Variants in TRIM9 observed in about 807,000 individuals in gnomAD.
The protein encoded by TRIM9 is E3 ubiquitin-protein ligase TRIM9.
Under a neutral mutation model 78.3 loss-of-function variants are expected in TRIM9, and 26 were observed. The ratio of observed to expected loss-of-function variants is 0.33; its 90% confidence interval spans 0.24 to 0.46. TRIM9 has a LOEUF of 0.46. Among genes scored for constraint, TRIM9 ranks in the 20% least tolerant of loss-of-function variants. The pLI, the probability that TRIM9 is intolerant of heterozygous loss-of-function variation, is 1.00. For missense variants in TRIM9, 787 were observed against 1,036.4 expected (o/e 0.76, Z 3.30); for synonymous variants, 398 against 416.5 (o/e 0.96, Z 0.54).
chr14:51,059,976 AT>A (rs1003603898), intron 1 of TRIM9, among the ~76,000 whole-genome samples: 5 of 152,158 alleles, frequency 3.3e-5, no homozygotes, highest in African/African-American at 1.2e-4. Context: ...TATGATACAA[AT>A]TGTTTCTTAA....
intron 1 of TRIM9, among the ~76,000 whole-genome samples, chr14:51,091,561 C>T (rs1258072701): frequency 2.0e-5 from 3 of 152,132 alleles, no homozygotes; most frequent in African/African-American, 7.2e-5. Context: ...TATGAGAAAA[C>T]TGGCTGCTAA....
intron 1 of TRIM9, among the ~76,000 whole-genome samples, chr14:51,089,596 A>G (rs1566655181): frequency 6.6e-6 from 1 of 152,270 alleles, no homozygotes; most frequent in Non-Finnish European, 1.5e-5. Context: ...GAGAATCTGA[A>G]AAAAACGGAG....
At chr14:51,081,743 T>C (rs1030878659) in intron 1 of TRIM9, among the ~76,000 whole-genome samples, 6 of 152,162 alleles carry the variant, frequency 3.9e-5, no homozygotes, top group African/African-American at 1.4e-4. Flanking sequence ...CTCACAGAAC[T>C]CAGGAGAACA....
chr14:51,052,683 A>G (rs2060529745), intron 1 of TRIM9, among the ~76,000 whole-genome samples: 1 of 152,198 alleles, frequency 6.6e-6, no homozygotes, highest in African/African-American at 2.4e-5. Context: ...AGCTGCTGGC[A>G]CCATGCATGC....
At chr14:51,007,744 T>C (rs2056005556) in intron 5 of TRIM9, among the ~76,000 whole-genome samples, 3 of 151,092 alleles carry the variant, frequency 2.0e-5, no homozygotes. Context: ...ATTTCCAATC[T>C]ATACACTATT....
intron 1 of TRIM9, among the ~76,000 whole-genome samples, chr14:51,082,223 G>A (rs2140312986): frequency 6.6e-6 from 1 of 152,250 alleles, no homozygotes; most frequent in Non-Finnish European, 1.5e-5. Context: ...AGGAACCACG[G>A]ACAAAGACCA....
At chr14:51,094,039 C>T in intron 1 of TRIM9, 79 bp downstream of exon 1, 1 of 1,447,348 alleles carries the variant, frequency 6.9e-7, no homozygotes, top group Non-Finnish European at 9.5e-7. Context: ...GCGCTGTGCG[C>T]AAGAGACGGG....
intron 6 of TRIM9, among the ~76,000 whole-genome samples, chr14:50,998,927 CTCTCTGGTA>C (rs1262310187): frequency 6.6e-6 from 1 of 152,182 alleles, no homozygotes; most frequent in Non-Finnish European, 1.5e-5. Context: ...AATATGACAA[CTCTCTGGTA>C]GGATACTAAG....
chr14:51,075,761 A>T (rs2062721527), intron 1 of TRIM9, among the ~76,000 whole-genome samples: 1 of 152,138 alleles, frequency 6.6e-6, no homozygotes, highest in South Asian at 2.1e-4. Flanking sequence ...CAAGGCGGGG[A>T]GTGGGTCTGA....
At chr14:51,093,592 A>T (rs2064621998) in intron 1 of TRIM9, among the ~76,000 whole-genome samples, 1 of 152,192 alleles carries the variant, frequency 6.6e-6, no homozygotes, top group Admixed American at 6.5e-5. Context: ...AGCCGGGCTC[A>T]TCAGTATTCC....
intron 5 of TRIM9, among the ~76,000 whole-genome samples, chr14:51,004,545 C>T (rs1210797909): frequency 2.0e-5 from 3 of 152,260 alleles, no homozygotes; most frequent in East Asian, 1.9e-4. Flanking sequence ...AGAAGCTGGG[C>T]TCCCAACCTC....
rs1399648624 is a variant in TRIM9, at chr14:50,979,420, G to C, written c.2292C>G (p.Phe764Leu). The C allele has an allele frequency of 6.2e-7, 1 of 1,614,118 alleles. No homozygotes were observed. The highest frequency in any genetic ancestry group is 8.5e-7 in the Non-Finnish European group (1 of 1,180,058). Residue 764 changes from phenylalanine to leucine, a missense_variant, in exon 12 of 13, where the codon TTC becomes TTG. Physicochemically the swap from Phe to Leu is conservative, Grantham distance 22 (BLOSUM62 0). Transcript: ENST00000684578. ...TCCTGTTCAGGCTGACCGCAGGGAAGAAGAGGCCCTCCACGTTATCAAATG... is the reference window on the plus strand; with the variant it reads ...TCCTGTTCAGGCTGACCGCAGGGAACAAGAGGCCCTCCACGTTATCAAATG... ...PIAFDNVEGL[F>L]FPAVSLNRNV...
At chr14:51,024,289 T>A (rs1037702783) in intron 2 of TRIM9, among the ~76,000 whole-genome samples, 1 of 152,156 alleles carries the variant, frequency 6.6e-6, no homozygotes, top group Non-Finnish European at 1.5e-5. Flanking sequence ...AACTGATTGA[T>A]AAACTCCATT....
Position 51,054,129 on chromosome 14 carries a change from T to A in TRIM9, c.823-28769A>T, listed in dbSNP as rs1191319758. ...GTTAAAAAAAATTTTAGAGACAAGA[T>A]CTCATCAGGCTGGCCTGGAGCTCCT... On this transcript the variant is annotated intron_variant, in intron 1 of 12. Coordinates refer to ENST00000684578, the MANE Select transcript of TRIM9 (RefSeq NM_001387360.1). Among the ~76,000 whole-genome samples the A allele has an allele frequency of 2.0e-5, 3 of 152,168 alleles. No individual in the cohort carries two copies. The South Asian group carries it at 6.2e-4, about 32-fold the overall frequency.
At chr14:51,039,043 G>C (rs2059382109) in intron 1 of TRIM9, among the ~76,000 whole-genome samples, 1 of 152,212 alleles carries the variant, frequency 6.6e-6, no homozygotes, top group Non-Finnish European at 1.5e-5. Context: ...AAATGCCTGG[G>C]AAATGTTAAT....
rs947021768 is a variant in TRIM9 at position 51,095,048 on chromosome 14, G to A, written c.-109C>T. 2 of 792,428 alleles carry A rather than the reference G, an allele frequency of 2.5e-6. No homozygotes were observed. The highest frequency in any genetic ancestry group is 3.5e-6 in the Non-Finnish European group (2 of 566,564). 49.1% of individuals were successfully genotyped at this position (792,428 alleles called of 1,614,324 possible). On this transcript the variant is annotated 5_prime_UTR_variant, in exon 1 of 13. Transcript: ENST00000684578. ...ACCCTGGCCAGCGGCGGCGGCTGTG[G>A]TGGTGGTGCCTTCCCGCGCAGCACT...
At chr14:51,051,171 A>T (rs1365424702) in intron 1 of TRIM9, among the ~76,000 whole-genome samples, 1 of 152,212 alleles carries the variant, frequency 6.6e-6, no homozygotes, top group African/African-American at 2.4e-5. Context: ...CACCAGTTAC[A>T]AAAAAATATT....
intron 1 of TRIM9, among the ~76,000 whole-genome samples, chr14:51,082,485 CATT>C (rs2063392830): frequency 6.6e-6 from 1 of 152,154 alleles, no homozygotes; most frequent in African/African-American, 2.4e-5. Flanking sequence ...ACTTTAAAAA[CATT>C]ATGCGAAGTA....
At chr14:51,023,693 T>C (rs1178206075) in intron 2 of TRIM9, among the ~76,000 whole-genome samples, 4 of 152,252 alleles carry the variant, frequency 2.6e-5, no homozygotes, top group Non-Finnish European at 5.9e-5. Flanking sequence ...ATTCTTTCAA[T>C]GAGTTATATG....
Sources: allele counts gnomAD v4.1 joint callset (sites outside exome capture counted in the v4.1 genomes callset), GRCh38; gene constraint gnomAD v4.1.1; transcripts MANE v1.5; gene names NCBI Gene and HGNC (gene_info 2026-07-23, HGNC 2026-07-21).